Variants in DPH6 observed in about 807,000 individuals in gnomAD.
DPH6 encodes diphthine--ammonia ligase.
DPH6 carries 33 observed loss-of-function variants against 38.2 expected under a neutral mutation model. The observed-to-expected ratio is 0.86, with a 90% confidence interval of 0.65 to 1.15. The LOEUF (loss-of-function observed/expected upper bound fraction) is 1.15, where lower values mean the gene tolerates loss of function less well. DPH6 is among the 50% of genes most tolerant of loss of function. The pLI, the probability that DPH6 is intolerant of heterozygous loss-of-function variation, is 0.00. For missense variants in DPH6, 325 were observed against 320.0 expected (o/e 1.02, Z -0.12); for synonymous variants, 108 against 103.0 (o/e 1.05, Z -0.30).
chr15:35,357,044 C>T (rs189574060), intron 3 of DPH6, among the ~76,000 whole-genome samples: 35 of 152,314 alleles, frequency 2.3e-4, no homozygotes, highest in African/African-American at 7.5e-4. Context: ...GCTGTGCTAG[C>T]AATGAGCGAG....
intron 3 of DPH6, chr15:35,237,928 A>C (rs2051567184): frequency 1.4e-6 from 2 of 1,386,698 alleles, no homozygotes; most frequent in East Asian, 4.6e-5. Context: ...ACGTGAGTGG[A>C]GAGGAGGAGG....
chr15:35,244,405 G>C (rs2051621954), intron 3 of DPH6, among the ~76,000 whole-genome samples: 1 of 152,108 alleles, frequency 6.6e-6, no homozygotes, highest in African/African-American at 2.4e-5. Context: ...TGATTGATTG[G>C]TGTGGTGTCC....
intron 1 of DPH6, among the ~76,000 whole-genome samples, chr15:35,544,511 A>T (rs982498699): frequency 4.6e-5 from 7 of 152,116 alleles, no homozygotes; most frequent in Non-Finnish European, 1.0e-4. Flanking sequence ...TAAAAAAAAA[A>T]TTTAAAAAAG....
intron 1 of DPH6, among the ~76,000 whole-genome samples, chr15:35,543,540 T>A (rs1595458886): frequency 6.6e-6 from 1 of 152,022 alleles, no homozygotes; most frequent in Non-Finnish European, 1.5e-5. Flanking sequence ...TCCTCCTGTT[T>A]CCCTTCTTTC....
intron 3 of DPH6, among the ~76,000 whole-genome samples, chr15:35,498,472 G>A (rs1262594699): frequency 6.6e-6 from 1 of 151,954 alleles, no homozygotes; most frequent in Non-Finnish European, 1.5e-5. Context: ...ATCATCACGT[G>A]GTTATCAAAG....
At chr15:35,238,023 G>A (rs546036436) in intron 3 of DPH6, 43 of 1,548,710 alleles carry the variant, frequency 2.8e-5, no homozygotes, top group East Asian at 2.2e-4. Flanking sequence ...GGTCAGAAGC[G>A]AAAAGGAGAA....
chr15:35,171,864 T>A, the DPH6 span, among the ~76,000 whole-genome samples: 8 of 149,756 alleles, frequency 5.3e-5, no homozygotes, highest in South Asian at 2.1e-4. Context: ...TATATATTCT[T>A]TATTTTTATT....
intron 3 of DPH6, among the ~76,000 whole-genome samples, chr15:35,502,381 C>T (rs754918619): frequency 6.6e-6 from 1 of 151,832 alleles, no homozygotes. Flanking sequence ...AAACAAAATA[C>T]CACAAGAATC....
chr15:35,273,826 T>C (rs1007074447), intron 3 of DPH6, among the ~76,000 whole-genome samples: 1 of 152,230 alleles, frequency 6.6e-6, no homozygotes, highest in Non-Finnish European at 1.5e-5. Context: ...ATGGCCTTAC[T>C]GCCTAAAGTA....
At chr15:35,493,811 C>T (rs1339880213) in intron 3 of DPH6, among the ~76,000 whole-genome samples, 2 of 152,190 alleles carry the variant, frequency 1.3e-5, no homozygotes, top group African/African-American at 4.8e-5. Flanking sequence ...ATGCACCTAG[C>T]ATATAAACGG....
chr15:35,462,428 A>G (rs1030042552), intron 3 of DPH6, among the ~76,000 whole-genome samples: 2 of 152,168 alleles, frequency 1.3e-5, no homozygotes, highest in African/African-American at 4.8e-5. Flanking sequence ...CCTCTCTGAC[A>G]TCACCACCAA....
chr15:35,508,803 T>C (rs894164630), intron 3 of DPH6, among the ~76,000 whole-genome samples: 1 of 152,136 alleles, frequency 6.6e-6, no homozygotes, highest in African/African-American at 2.4e-5. Context: ...GGGAGAAATA[T>C]TGTGTTAAAG....
intron 3 of DPH6, among the ~76,000 whole-genome samples, chr15:35,468,857 T>C (rs2054161991): frequency 6.6e-6 from 1 of 151,992 alleles, no homozygotes; most frequent in South Asian, 2.1e-4. Context: ...CAACAGGTGT[T>C]CGGAGTTCAA....
At chr15:35,224,026 C>T (rs2051461406) in intron 3 of DPH6, among the ~76,000 whole-genome samples, 1 of 151,414 alleles carries the variant, frequency 6.6e-6, no homozygotes, top group African/African-American at 2.4e-5. Flanking sequence ...TAGCATGTAG[C>T]CTTTTCAGAT....
intron 3 of DPH6, among the ~76,000 whole-genome samples, chr15:35,323,135 G>A (rs912294400): frequency 3.3e-5 from 5 of 152,246 alleles, no homozygotes; most frequent in Admixed American, 2.6e-4. Flanking sequence ...ATCTTATATA[G>A]TGGAGACATA....
chr15:35,323,837 T>C (rs552204119), intron 3 of DPH6, among the ~76,000 whole-genome samples: 1 of 152,332 alleles, frequency 6.6e-6, no homozygotes, highest in South Asian at 2.1e-4. Context: ...CTGCCGGAAA[T>C]AATTTTATAA....
intron 7 of DPH6, among the ~76,000 whole-genome samples, chr15:35,379,270 A>AT (rs1477748964): frequency 2.0e-5 from 3 of 152,148 alleles, no homozygotes; most frequent in African/African-American, 7.2e-5. Context: ...TGTAAAATTT[A>AT]TTTTTTCTCG....
chr15:35,164,819 C>T, the DPH6 span, among the ~76,000 whole-genome samples: 1 of 151,786 alleles, frequency 6.6e-6, no homozygotes, highest in Non-Finnish European at 1.5e-5. Flanking sequence ...AGGCATTGGC[C>T]TTATGGGCTG....
chr15:35,175,699 G>A, the DPH6 span, among the ~76,000 whole-genome samples: 1 of 151,676 alleles, frequency 6.6e-6, no homozygotes, highest in Non-Finnish European at 1.5e-5. Flanking sequence ...TGTTATTAAG[G>A]TACCAACACA....
Sources: gnomAD v4.1 joint callset for allele counts (sites outside exome capture counted in the v4.1 genomes callset) on GRCh38, gnomAD v4.1.1 for gene constraint, MANE v1.5 for transcripts, NCBI Gene and HGNC (gene_info 2026-07-23, HGNC 2026-07-21) for gene names.